Variants in MEGF11 observed in about 807,000 individuals in gnomAD.
MEGF11 encodes the protein multiple epidermal growth factor-like domains protein 11.
In MEGF11, 126 loss-of-function variants were observed where a neutral mutation model predicts 146.6. That is an observed-to-expected ratio of 0.86 (90% CI 0.74 to 1.00). The LOEUF is 1.00. MEGF11 is among the 50% of genes least tolerant of loss of function. The pLI, the probability that MEGF11 is intolerant of heterozygous loss-of-function variation, is 0.00. For synonymous variants in MEGF11, 532 were observed against 583.4 expected, an observed-to-expected ratio of 0.91 and a Z score of 1.27; for missense variants, 1,509 against 1,521.2, an observed-to-expected ratio of 0.99 and a Z score of 0.13.
chr15:66,183,279 C>T (rs1382865458), intron 1 of MEGF11, among the ~76,000 whole-genome samples: 2 of 152,034 alleles, frequency 1.3e-5, no homozygotes, highest in South Asian at 2.1e-4. Context: ...ATGGGAGGAT[C>T]GCCCATGGTC....
chr15:66,150,614 G>A lies in MEGF11; in HGVS notation c.-8-22203C>T, dbSNP rs530908539. The stretch of plus-strand genomic sequence containing the variant: ...GTAGGCATGTTAGAAAGACTTATTA[G>A]TGGAAGGAAGGAAGGAAGGAAGGAA... On this transcript the variant is annotated intron_variant, in intron 1 of 25. Coordinates refer to ENST00000395614, the MANE Select transcript of MEGF11 (RefSeq NM_001385028.1). 8.4e-5 allele frequency among the ~76,000 whole-genome samples: 6 copies of A among 71,078 alleles called. No homozygotes were observed. In the East Asian group the frequency reaches 1.6e-3, roughly 19 times the overall value. The allele number at this position is 71,078 out of a possible 152,430, so 46.6% of individuals were successfully genotyped here. A position where few individuals can be genotyped will look rare whatever the true frequency, so the allele number is the denominator to read the frequency against.
intron 5 of MEGF11, among the ~76,000 whole-genome samples, chr15:66,074,469 G>A (rs1325104416): frequency 1.3e-5 from 2 of 152,216 alleles, no homozygotes; most frequent in African/African-American, 2.4e-5. Flanking sequence ...GCAGGCTTGC[G>A]CCTGTTGGAG....
At chr15:65,981,087 T>C (rs956641242) in intron 6 of MEGF11, among the ~76,000 whole-genome samples, 189 bp from the exon 7 acceptor site, 8 of 152,192 alleles carry the variant, frequency 5.3e-5, no homozygotes, top group Admixed American at 2.0e-4. Flanking sequence ...CATTGGAATG[T>C]AGGGTGCTTG....
intron 1 of MEGF11, among the ~76,000 whole-genome samples, chr15:66,145,175 C>T (rs1056625556): frequency 1.3e-5 from 2 of 152,196 alleles, no homozygotes; most frequent in East Asian, 1.9e-4. Flanking sequence ...CCCAGAGCCT[C>T]GAGGTCTCCA....
chr15:65,898,534 T>G (rs1211380211), intron 25 of MEGF11, 194 bp downstream of exon 25: 4 of 985,086 alleles, frequency 4.1e-6, no homozygotes, highest in East Asian at 1.1e-4. Flanking sequence ...TAAAGCAGAG[T>G]TGGTACAATA....
intron 5 of MEGF11, among the ~76,000 whole-genome samples, chr15:66,026,398 G>A (rs2083332769): frequency 6.6e-6 from 1 of 152,208 alleles, no homozygotes; most frequent in Admixed American, 6.5e-5. Context: ...CAGCCCTCCG[G>A]CTTCTCAGGA....
rs76529704 is a variant in MEGF11, at chr15:65,976,729, A to G, written c.762+4049T>C. 9.4e-3 allele frequency among the ~76,000 whole-genome samples: 1,429 copies of G among 152,316 alleles called. 21 individuals are homozygous for G. Among genetic ancestry groups the G allele is most frequent in the African/African-American group, 0.031 (1,281 of 41,564 alleles). On this transcript the variant is annotated intron_variant, in intron 7 of 25. Transcript: ENST00000395614. ...GTGGTCAGTTAAGTGTGTATCTCCA[A>G]TTGTAGTGGGATCTTGGACTGCTGT... is the stretch of plus-strand genomic sequence containing the variant.
At position 65,916,142 on chromosome 15, in the gene MEGF11, G is replaced by C. The variant is rs1341500169; in HGVS notation, c.2344+6C>G. ...TCACCCAGGATCAGGGGTCAGGGCA[G>C]CTTACTCTGCTCACAGTGTTGCCCG... On this transcript the variant is annotated splice_donor_region_variant and intron_variant, in intron 18 of 25. Transcript: ENST00000395614. 1.3e-6 allele frequency: 2 copies of C among 1,585,596 alleles called. No homozygotes were observed. The highest frequency in any genetic ancestry group is 1.7e-6 in the Non-Finnish European group (2 of 1,164,582).
intron 1 of MEGF11, among the ~76,000 whole-genome samples, chr15:66,174,894 T>C (rs528188379): frequency 6.6e-6 from 1 of 152,364 alleles, no homozygotes; most frequent in East Asian, 1.9e-4. Flanking sequence ...CAGTGTTTTA[T>C]AGTCTTCATT....
intron 17 of MEGF11, 80 bp from the exon 18 acceptor site, chr15:65,916,356 T>G: frequency 6.8e-7 from 1 of 1,472,426 alleles, no homozygotes; most frequent in Non-Finnish European, 9.1e-7. Context: ...ACCTGTCTTC[T>G]GTCTCTTTTT....
intron 1 of MEGF11, among the ~76,000 whole-genome samples, chr15:66,175,961 C>G (rs1488086394): frequency 6.6e-6 from 1 of 152,094 alleles, no homozygotes; most frequent in Non-Finnish European, 1.5e-5. Context: ...CACTCAACAA[C>G]AACAACAACA....
chr15:66,061,234 G>A (rs1178934284), intron 5 of MEGF11, among the ~76,000 whole-genome samples: 1 of 152,232 alleles, frequency 6.6e-6, no homozygotes, highest in Non-Finnish European at 1.5e-5. Flanking sequence ...AGGGAGAGTG[G>A]AGCTGCCCCA....
chr15:66,063,958 C>A (rs1480314365), intron 5 of MEGF11, among the ~76,000 whole-genome samples: 1 of 152,182 alleles, frequency 6.6e-6, no homozygotes, highest in Non-Finnish European at 1.5e-5. Context: ...CAAGGTTGCA[C>A]AGAAACTGTC....
At chr15:66,121,930 T>C (rs936864123) in intron 3 of MEGF11, among the ~76,000 whole-genome samples, 1 of 152,212 alleles carries the variant, frequency 6.6e-6, no homozygotes, top group African/African-American at 2.4e-5. Flanking sequence ...CCCATGTCAT[T>C]CATAATGCTC....
At chr15:66,187,697 A>AAC (rs3082857) in intron 1 of MEGF11, among the ~76,000 whole-genome samples, 3,890 of 152,032 alleles carry the variant, frequency 0.026, 153 homozygotes, top group African/African-American at 0.087. Flanking sequence ...AAAATGCCAA[A>AAC]ATTGGCCAGG....
chr15:66,141,794 T>A lies in MEGF11; in HGVS notation c.-8-13383A>T, dbSNP rs2100898. Among the ~76,000 whole-genome samples, 266 of 152,066 alleles carry A rather than the reference T, an allele frequency of 1.7e-3. 1 individual carries two copies. The highest frequency in any genetic ancestry group is 7.9e-3 in the Admixed American group (121 of 15,296). On this transcript the variant is annotated intron_variant, in intron 1 of 25. Transcript: ENST00000395614. ...TGAACCATGTTAGGTCACAATATCC[T>A]GTGTGTATTTCCCTCCTGTCATCCC...
At chr15:65,924,313 G>GT (rs2079284237) in intron 13 of MEGF11, among the ~76,000 whole-genome samples, 1 of 147,102 alleles carries the variant, frequency 6.8e-6, no homozygotes, top group African/African-American at 2.5e-5. Context: ...TTGCAGCAGG[G>GT]TAGAGGCTTC....
intron 1 of MEGF11, among the ~76,000 whole-genome samples, chr15:66,230,093 C>T (rs1035482504): frequency 6.6e-6 from 1 of 152,108 alleles, no homozygotes; most frequent in Admixed American, 6.5e-5. Flanking sequence ...AGGGTTTAGG[C>T]GGCTGTGTCC....
At chr15:66,161,791 C>A (rs2089960738) in intron 1 of MEGF11, among the ~76,000 whole-genome samples, 1 of 152,192 alleles carries the variant, frequency 6.6e-6, no homozygotes, top group Non-Finnish European at 1.5e-5. Flanking sequence ...TGAGCACCTA[C>A]TATGTGCCAA....
Sources: allele counts gnomAD v4.1 joint callset (sites outside exome capture counted in the v4.1 genomes callset), GRCh38; gene constraint gnomAD v4.1.1; transcripts MANE v1.5; gene names NCBI Gene and HGNC (gene_info 2026-07-23, HGNC 2026-07-21).